The following FAM20C variants were observed in gnomAD, a reference collection of about 807,000 sequenced individuals.
The protein encoded by FAM20C is extracellular serine/threonine protein kinase FAM20C.
FAM20C carries 40 observed loss-of-function variants against 51.5 expected under a neutral mutation model. The ratio of observed to expected loss-of-function variants is 0.78; its 90% CI spans 0.60 to 1.01. The LOEUF (loss-of-function observed/expected upper bound fraction) is 1.01. Among genes scored for constraint, FAM20C ranks in the 50% least tolerant of loss-of-function variants. The probability of loss-of-function intolerance (pLI) is 0.00; values close to 1 mark genes in which losing one functional copy is unlikely to be tolerated. For synonymous variants in FAM20C, 406 were observed against 380.6 expected, an observed-to-expected ratio of 1.07 and a Z score of -0.78; for missense variants, 861 against 844.7, an observed-to-expected ratio of 1.02 and a Z score of -0.24.
chr7:195,612 T>C lies in FAM20C; in HGVS notation c.664T>C (p.Ser222Pro). The C allele has an allele frequency of 6.2e-7, 1 of 1,609,260 alleles. No individual in the cohort carries two copies. The highest frequency in any genetic ancestry group is 8.5e-7 in the Non-Finnish European group (1 of 1,177,812). Residue 222 changes from serine (S) to proline (P), a missense_variant, in exon 2 of 10, where the codon TCC becomes CCC. Transcript: ENST00000313766. ...CTCCCCCGGGGAGGCGGCCGTGGAC[T>C]CCTATCCCAACTGGCTCAAGTTCCA... ...FLSPGEAAVD[S>P]YPNWLKFHIG...
chr7:255,477 C>T (rs1788555675), intron 5 of FAM20C, among the ~76,000 whole-genome samples: 1 of 152,164 alleles, frequency 6.6e-6, no homozygotes, highest in South Asian at 2.1e-4. Flanking sequence ...AATGCTAGAT[C>T]CTCAGATGTG....
Position 258,781 on chromosome 7 carries a change from T to G in FAM20C, c.1505+76T>G, listed in dbSNP as rs1424956377. 6.6e-6 allele frequency: 9 copies of G among 1,354,666 alleles called. No individual in the cohort carries two copies. In the African/African-American group the frequency reaches 1.2e-4, roughly 18 times the overall value. 83.9% of individuals were successfully genotyped at this position (1,354,666 alleles called of 1,614,324 possible). A position where few individuals can be genotyped will look rare whatever the true frequency, so the allele number is the denominator to read the frequency against. On this transcript the variant is annotated intron_variant, in intron 9 of 9. Transcript: ENST00000313766. ...CAGGAGACAGAGGAGGCCACAGCCT[T>G]CCCCACCCCACCCCGGCCATCACAT...
At chr7:240,580 G>A (rs1216404108) in intron 3 of FAM20C, among the ~76,000 whole-genome samples, 1 of 152,164 alleles carries the variant, frequency 6.6e-6, no homozygotes, top group East Asian at 1.9e-4. Context: ...GAAGGAATGA[G>A]GTGGCAAGAG....
At chr7:235,464 G>A (rs1040235080) in intron 3 of FAM20C, among the ~76,000 whole-genome samples, 5 of 152,224 alleles carry the variant, frequency 3.3e-5, no homozygotes, top group Middle Eastern at 3.4e-3. Context: ...CCCAACCCCC[G>A]GGCAGGTGAA....
At chr7:195,900 G>A (rs550843720) in intron 2 of FAM20C, among the ~76,000 whole-genome samples, 168 bp downstream of exon 2, 2 of 152,362 alleles carry the variant, frequency 1.3e-5, no homozygotes, top group Non-Finnish European at 2.9e-5. Context: ...GAGGGCTCGC[G>A]TCTCGTGTGC....
chr7:213,263 C>G (rs544625468), intron 3 of FAM20C, among the ~76,000 whole-genome samples: 2 of 150,582 alleles, frequency 1.3e-5, no homozygotes, highest in Non-Finnish European at 2.9e-5. Context: ...GTGTGTAGTT[C>G]TTTGTGAGTG....
At chr7:255,583 G>A (rs1156600009) in intron 5 of FAM20C, among the ~76,000 whole-genome samples, 3 of 152,186 alleles carry the variant, frequency 2.0e-5, no homozygotes, top group Admixed American at 2.0e-4. Flanking sequence ...TGGCCCTAGG[G>A]TTTCCATAGA....
At chr7:232,748 C>G (rs900949196) in intron 3 of FAM20C, among the ~76,000 whole-genome samples, 2 of 152,244 alleles carry the variant, frequency 1.3e-5, no homozygotes, top group African/African-American at 4.8e-5. Flanking sequence ...GAATGCCTAG[C>G]GCCGCGGCTG....
At chr7:196,743 C>G (rs1306388627) in intron 2 of FAM20C, among the ~76,000 whole-genome samples, 1 of 152,192 alleles carries the variant, frequency 6.6e-6, no homozygotes, top group African/African-American at 2.4e-5. Flanking sequence ...CAGGTAGGTT[C>G]TCCTGAGCTC....
chr7:204,503 A>G (rs944449565), intron 2 of FAM20C, among the ~76,000 whole-genome samples: 1 of 152,178 alleles, frequency 6.6e-6, no homozygotes, highest in Non-Finnish European at 1.5e-5. Context: ...CCTGGAGGGA[A>G]TGGGCACGTG....
chr7:213,754 C>T (rs62430295), intron 3 of FAM20C, among the ~76,000 whole-genome samples: 10,764 of 152,176 alleles, frequency 0.071, 426 homozygotes, highest in African/African-American at 0.079. Flanking sequence ...TTTTCTGCAG[C>T]GGCTGCACCA....
At position 193,230 on chromosome 7, in the gene FAM20C, G is replaced by A. The variant is rs1367064980; in HGVS notation, c.31G>A (p.Val11Met). ...GATGATGCTGGTGCGCCGGTTCCGC[G>A]TGCTCATCCTGATGGTGTTCCTGGT... MKMMLVRRFR[V>M]LILMVFLVAC... Residue 11 changes from valine to methionine, a missense_variant, in exon 1 of 10, where the codon GTG becomes ATG. Coordinates refer to ENST00000313766, the MANE Select transcript of FAM20C (RefSeq NM_020223.4). 1 of 1,464,576 alleles carries A rather than the reference G, an allele frequency of 6.8e-7. No individual in the cohort carries two copies. Among genetic ancestry groups the A allele is most frequent in the Non-Finnish European group, 9.1e-7 (1 of 1,103,666 alleles). 90.7% of individuals were successfully genotyped at this position (1,464,576 alleles called of 1,614,324 possible).
At position 241,773 on chromosome 7, in the gene FAM20C, A is replaced by G. The variant is rs1017198051; in HGVS notation, c.864-4642A>G. Among the ~76,000 whole-genome samples, 1,243 of 150,990 alleles carry G rather than the reference A, an allele frequency of 8.2e-3. 17 individuals are homozygous for G. Among genetic ancestry groups the G allele is most frequent in the African/African-American group, 0.029 (1,187 of 40,944 alleles). On this transcript the variant is annotated intron_variant, in intron 3 of 9. Transcript: ENST00000313766. The stretch of plus-strand genomic sequence containing the variant: ...TGAGTGTGCAGGTGGGTGTGTGTGC[A>G]TGAGCGAGTGTGTGTGCATGTGCAC...
chr7:211,363 C>A (rs1175239863), intron 3 of FAM20C, among the ~76,000 whole-genome samples: 1 of 150,502 alleles, frequency 6.6e-6, no homozygotes, highest in Non-Finnish European at 1.5e-5. Context: ...CTCCCCCAGC[C>A]TCTTCCAACC....
At chr7:212,986 G>A (rs552442091) in intron 3 of FAM20C, among the ~76,000 whole-genome samples, 5 of 151,456 alleles carry the variant, frequency 3.3e-5, no homozygotes, top group South Asian at 2.1e-4. Flanking sequence ...TCCAGCCCCC[G>A]TCAAGCACTA....
chr7:254,120 G>A (rs1788504659), intron 5 of FAM20C, among the ~76,000 whole-genome samples: 1 of 152,152 alleles, frequency 6.6e-6, no homozygotes, highest in Non-Finnish European at 1.5e-5. Flanking sequence ...AGACCAGCCG[G>A]GACCTGCCGG....
At chr7:219,567 C>T (rs934516516) in intron 3 of FAM20C, among the ~76,000 whole-genome samples, 3 of 152,208 alleles carry the variant, frequency 2.0e-5, no homozygotes, top group Non-Finnish European at 4.4e-5. Context: ...TGTGGCTGTG[C>T]AGACCCCTCC....
chr7:208,940 T>A lies in FAM20C; in HGVS notation c.827T>A (p.Phe276Tyr). The change falls in exon 3 of 10, where the codon TTC becomes TAC. Residue 276 changes from phenylalanine to tyrosine, a missense_variant. Transcript: ENST00000313766. Reference protein sequence around the residue: ...GGTQLKLIMTFQNYGQALFKP... With the variant: ...GGTQLKLIMTYQNYGQALFKP... ...ACGCAGCTGAAGCTCATCATGACCT[T>A]CCAGAATTACGGGCAAGCGCTGTTC... is the stretch of plus-strand genomic sequence containing the variant. 1 of 1,585,708 alleles carries A rather than the reference T, an allele frequency of 6.3e-7. No homozygotes were observed. The highest frequency in any genetic ancestry group is 8.6e-7 in the Non-Finnish European group (1 of 1,165,984).
intron 6 of FAM20C, 120 bp from the exon 7 acceptor site, chr7:256,534 G>A (rs1788596764): frequency 1.3e-6 from 1 of 774,958 alleles, no homozygotes; most frequent in East Asian, 2.7e-5. Flanking sequence ...CGCAGCCCGG[G>A]CGGGTCCATC....
Sources: allele counts gnomAD v4.1 joint callset (sites outside exome capture counted in the v4.1 genomes callset), GRCh38; gene constraint gnomAD v4.1.1; transcripts MANE v1.5; gene names NCBI Gene and HGNC (gene_info 2026-07-23, HGNC 2026-07-21).